Variants in SS18L1 observed in about 807,000 individuals in gnomAD.
The protein encoded by SS18L1 is calcium-responsive transactivator.
SS18L1 carries 32 observed loss-of-function variants against 70.3 expected under a neutral mutation model. That is an observed-to-expected ratio of 0.46 (90% CI 0.34 to 0.61). SS18L1 has a LOEUF of 0.61. Ranked by LOEUF, SS18L1 falls within the 20% of genes least tolerant of loss-of-function variation. SS18L1 has a pLI of 0.01. For synonymous variants in SS18L1, 237 were observed against 229.7 expected, an observed-to-expected ratio of 1.03 and a Z score of -0.29; for missense variants, 430 against 542.1, an observed-to-expected ratio of 0.79 and a Z score of 2.05.
At chr20:62,146,209 G>C (rs1171491672) in intron 1 of SS18L1, among the ~76,000 whole-genome samples, 1 of 152,172 alleles carries the variant, frequency 6.6e-6, no homozygotes, top group Non-Finnish European at 1.5e-5. Flanking sequence ...CACGTGTTCC[G>C]CGTCTCATGC....
chr20:62,143,980 G>A, intron 1 of SS18L1, 91 bp downstream of exon 1: 1 of 836,350 alleles, frequency 1.2e-6, no homozygotes, highest in Non-Finnish European at 1.4e-6. Flanking sequence ...GGCGCGGGGC[G>A]CGAACAAAGC....
At chr20:62,160,739 G>A (rs1291631597) in intron 3 of SS18L1, among the ~76,000 whole-genome samples, 3 of 152,144 alleles carry the variant, frequency 2.0e-5, no homozygotes, top group Non-Finnish European at 4.4e-5. Flanking sequence ...ATGCCAGGAT[G>A]TGTCTTGCGA....
intron 1 of SS18L1, among the ~76,000 whole-genome samples, chr20:62,145,191 G>A (rs1207074457): frequency 6.6e-6 from 1 of 152,246 alleles, no homozygotes. Context: ...CCCAGACACT[G>A]TTCTAGGGGT....
At chr20:62,164,016 A>G (rs1161085287) in intron 6 of SS18L1, 129 bp from the exon 7 acceptor site, 7 of 725,972 alleles carry the variant, frequency 9.6e-6, no homozygotes, top group Non-Finnish European at 1.1e-5. Flanking sequence ...GGATACGATG[A>G]CAGCGTGGGG....
chr20:62,145,362 G>A (rs896513377), intron 1 of SS18L1, among the ~76,000 whole-genome samples: 17 of 152,196 alleles, frequency 1.1e-4, no homozygotes, highest in African/African-American at 3.6e-4. Flanking sequence ...GCCAGGTGTC[G>A]ATCCCATACG....
At position 62,164,142 on chromosome 20, in the gene SS18L1, C is replaced by T. The variant is rs777050418; in HGVS notation, c.722-3C>T. 1.3e-6 allele frequency: 2 copies of T among 1,549,226 alleles called. No homozygotes were observed. The highest frequency in any genetic ancestry group is 1.7e-6 in the Non-Finnish European group (2 of 1,146,098). The stretch of plus-strand genomic sequence containing the variant: ...ACTGGCGCTGAATGTGGTTCCCCCG[C>T]AGGCTCTTCCCAGCAGTACCTGGGC... On this transcript the variant is annotated splice_region_variant and splice_polypyrimidine_tract_variant and intron_variant, in intron 6 of 10. Coordinates refer to ENST00000331758, the MANE Select transcript of SS18L1 (RefSeq NM_198935.3).
At position 62,172,729 on chromosome 20, in the gene SS18L1, G is replaced by A. The variant is rs142989416; in HGVS notation, c.964G>A (p.Ala322Thr). 1.0e-4 allele frequency: 163 copies of A among 1,614,024 alleles called. No homozygotes were observed. The African/African-American group carries it at 1.6e-3, about 15-fold the overall frequency. The change falls in exon 9 of 11, where the codon GCG becomes ACG. Residue 322 changes from alanine to threonine, a missense_variant. Physicochemically the swap from Ala to Thr is moderately conservative, Grantham distance 58. Transcript: ENST00000331758. ...QQQAGYQQGA[A>T]QQQTYSQQQY... ...GCAGGCCGGGTACCAGCAGGGTGCC[G>A]CGCAGCAGCAGACGTACTCCCAGCA...
intron 8 of SS18L1, among the ~76,000 whole-genome samples, chr20:62,170,591 G>A (rs2057513384): frequency 6.6e-6 from 1 of 152,254 alleles, no homozygotes; most frequent in Non-Finnish European, 1.5e-5. Context: ...CCTGTTGAGA[G>A]CACGGCCTGG....
intron 10 of SS18L1, among the ~76,000 whole-genome samples, chr20:62,176,562 T>C (rs6121944): frequency 0.091 from 13,684 of 151,032 alleles, 758 homozygotes; most frequent in South Asian, 0.2. Context: ...CACCTGTAAT[T>C]CCAGCACTTT....
At chr20:62,171,124 G>C (rs6061447) in intron 8 of SS18L1, among the ~76,000 whole-genome samples, 3 of 151,928 alleles carry the variant, frequency 2.0e-5, no homozygotes, top group Non-Finnish European at 4.4e-5. Flanking sequence ...GGATGATCTC[G>C]ATCTCCTGAC....
Position 62,181,683 on chromosome 20 carries a change from CAG to C in SS18L1, c.*2477_*2478del, listed in dbSNP as rs1308061756. On this transcript the variant is annotated 3_prime_UTR_variant, in exon 11 of 11. Transcript: ENST00000331758. ...TGTTAATATATTTAATGATTAATAA[CAG>C]AATGTTTATTTAATGTGCTGTCCAT... The C allele has an allele frequency of 5.5e-5, 12 of 218,558 alleles. No homozygotes were observed. The highest frequency in any genetic ancestry group is 1.3e-4 in the African/African-American group (6 of 44,594). 13.5% of individuals were successfully genotyped at this position (218,558 alleles called of 1,614,324 possible). A position where few individuals can be genotyped will look rare whatever the true frequency, so the allele number is the denominator to read the frequency against.
chr20:62,173,814 G>A (rs138449733), intron 9 of SS18L1, among the ~76,000 whole-genome samples: 1,538 of 152,112 alleles, frequency 0.01, 20 homozygotes, highest in African/African-American at 0.03. Flanking sequence ...CCAGGAGTTC[G>A]AGACCAGCCT....
At chr20:62,165,598 G>C in intron 8 of SS18L1, 84 bp downstream of exon 8, 1 of 1,305,270 alleles carries the variant, frequency 7.7e-7, no homozygotes. Flanking sequence ...GGAGCACGCG[G>C]TGCCTGCCTT....
In SS18L1 at chr20:62,158,650, C is replaced by G. The variant is rs2057266848; in HGVS notation, c.70-22C>G. 1 of 1,611,012 alleles carries G rather than the reference C, an allele frequency of 6.2e-7. No homozygotes were observed. Among genetic ancestry groups the G allele is most frequent in the Non-Finnish European group, 8.5e-7 (1 of 1,179,672 alleles). ...CAGCGACAGCCCCGCGTCGGCAGCG[C>G]CCGCTCACGCTCTCTCCGCAGATGC... On this transcript the variant is annotated intron_variant, in intron 1 of 10. Coordinates refer to ENST00000331758, the MANE Select transcript of SS18L1 (RefSeq NM_198935.3). The surrounding 1 kb of genome is among the most constrained non-coding windows in gnomAD (Gnocchi z 4.5).
At chr20:62,172,893 C>T (rs1411378124) in intron 9 of SS18L1, 92 bp downstream of exon 9, 1 of 1,563,864 alleles carries the variant, frequency 6.4e-7, no homozygotes, top group Non-Finnish European at 8.7e-7. Context: ...GCCAGCAGAG[C>T]TACCCTGGGC....
intron 1 of SS18L1, among the ~76,000 whole-genome samples, chr20:62,145,345 T>G (rs2057005865): frequency 6.6e-6 from 1 of 152,144 alleles, no homozygotes; most frequent in Admixed American, 6.5e-5. Flanking sequence ...TGCTGGTAAG[T>G]GGCACAGCCA....
At chr20:62,172,956 C>A (rs2057559303) in intron 9 of SS18L1, among the ~76,000 whole-genome samples, 155 bp downstream of exon 9, 1 of 152,236 alleles carries the variant, frequency 6.6e-6, no homozygotes, top group Non-Finnish European at 1.5e-5. Context: ...CCCCCAGCGC[C>A]CACCCCTGCC....
intron 8 of SS18L1, among the ~76,000 whole-genome samples, chr20:62,167,034 G>GTTTTTTTTTTTTTTTTTT (rs1235961398): frequency 8.1e-6 from 1 of 123,496 alleles, no homozygotes; most frequent in East Asian, 2.6e-4. Context: ...GAGCTCAGGA[G>GTTTTTTTTTTTTTTTTTT]TTTGTTTGTT....
In SS18L1 at chr20:62,159,800, C is replaced by T. The variant is rs2057291414; in HGVS notation, c.147-77C>T. 2 of 1,425,476 alleles carry T rather than the reference C, an allele frequency of 1.4e-6. No homozygotes were observed. The highest frequency in any genetic ancestry group is 2.8e-5 in the African/African-American group (2 of 70,746). 88.3% of individuals were successfully genotyped at this position (1,425,476 alleles called of 1,614,324 possible). ...TGGATGTCAGGCTGTCTTGTTCACA[C>T]TTTACTTCTGCCTTGGATCCACGTG... On this transcript the variant is annotated intron_variant, in intron 2 of 10. Transcript: ENST00000331758. The surrounding 1 kb of genome is among the most constrained non-coding windows in gnomAD (Gnocchi z 4.4).
Sources: allele counts gnomAD v4.1 joint callset (sites outside exome capture counted in the v4.1 genomes callset), GRCh38; gene constraint gnomAD v4.1.1; non-coding constraint Gnocchi (gnomAD v3.1); transcripts MANE v1.5; gene names NCBI Gene and HGNC (gene_info 2026-07-23, HGNC 2026-07-21).